Variants in OPCML observed in about 807,000 individuals in gnomAD.
OPCML encodes opioid binding protein/cell adhesion molecule like, also known as opioid-binding protein/cell adhesion molecule.
Under a neutral mutation model 37.8 loss-of-function variants are expected in OPCML, and 13 were observed. The observed-to-expected ratio is 0.34, with a 90% CI of 0.22 to 0.55. The LOEUF (loss-of-function observed/expected upper bound fraction) is 0.55, where lower values mean the gene tolerates loss of function less well. OPCML is among the 20% of genes least tolerant of loss of function. The pLI, the probability that OPCML is intolerant of heterozygous loss-of-function variation, is 0.91. For missense variants in OPCML, 341 were observed against 435.6 expected (o/e 0.78, Z 1.93); for synonymous variants, 176 against 168.8 (o/e 1.04, Z -0.33).
intron 1 of OPCML, among the ~76,000 whole-genome samples, chr11:133,044,400 G>C (rs1405930459): frequency 6.6e-6 from 1 of 152,166 alleles, no homozygotes; most frequent in South Asian, 2.1e-4. Flanking sequence ...GAGAACAGGG[G>C]AGTAGGTAAG....
At chr11:132,617,033 T>C (rs1205678310) in intron 3 of OPCML, among the ~76,000 whole-genome samples, 2 of 152,240 alleles carry the variant, frequency 1.3e-5, no homozygotes, top group Non-Finnish European at 2.9e-5. Flanking sequence ...TTTTCTTTCA[T>C]TAGAAGTATA....
At chr11:132,832,890 A>G (rs1354141673) in intron 2 of OPCML, among the ~76,000 whole-genome samples, 1 of 152,200 alleles carries the variant, frequency 6.6e-6, no homozygotes, top group African/African-American at 2.4e-5. Context: ...TTATCTAAAC[A>G]TAGAAAAATT....
At chr11:132,816,910 G>C (rs1939669760) in intron 2 of OPCML, among the ~76,000 whole-genome samples, 1 of 152,274 alleles carries the variant, frequency 6.6e-6, no homozygotes, top group South Asian at 2.1e-4. Context: ...CGTGAAGAGG[G>C]AGTTGACAAC....
At chr11:133,407,622 G>A (rs191146506) in intron 1 of OPCML, among the ~76,000 whole-genome samples, 18 of 152,268 alleles carry the variant, frequency 1.2e-4, no homozygotes, top group Non-Finnish European at 1.8e-4. Flanking sequence ...AAACCCACAC[G>A]TGGGTGGCAC....
chr11:132,925,964 C>A (rs954954919), intron 2 of OPCML, among the ~76,000 whole-genome samples: 1 of 152,168 alleles, frequency 6.6e-6, no homozygotes, highest in African/African-American at 2.4e-5. Flanking sequence ...ACAGTGAGCA[C>A]ACATTTGCCA....
At chr11:133,140,751 A>AGAC (rs1949772931) in intron 1 of OPCML, among the ~76,000 whole-genome samples, 1 of 98,760 alleles carries the variant, frequency 1.0e-5, no homozygotes, top group Non-Finnish European at 2.2e-5. Context: ...ACGACGAGGA[A>AGAC]GAAGAAGACG....
At chr11:132,727,162 C>T (rs921571640) in intron 2 of OPCML, among the ~76,000 whole-genome samples, 2 of 152,150 alleles carry the variant, frequency 1.3e-5, no homozygotes, top group African/African-American at 4.8e-5. Flanking sequence ...GGAGAAGGTG[C>T]TATGAAGAGT....
At chr11:133,388,158 G>A (rs1945097941) in intron 1 of OPCML, among the ~76,000 whole-genome samples, 1 of 152,100 alleles carries the variant, frequency 6.6e-6, no homozygotes, top group African/African-American at 2.4e-5. Flanking sequence ...GACCATGGCT[G>A]GCCCATAGAA....
At chr11:133,176,760 A>G (rs1937607115) in intron 1 of OPCML, among the ~76,000 whole-genome samples, 1 of 152,180 alleles carries the variant, frequency 6.6e-6, no homozygotes, top group Non-Finnish European at 1.5e-5. Context: ...TTTTCTTTAT[A>G]AATTACCCAG....
intron 1 of OPCML, among the ~76,000 whole-genome samples, chr11:133,058,227 C>T (rs900254797): frequency 3.9e-5 from 6 of 152,020 alleles, no homozygotes; most frequent in Admixed American, 1.3e-4. Context: ...TTGATTCTTC[C>T]TTGGTTGCGT....
intron 1 of OPCML, chr11:133,532,061 C>A (rs938098849): frequency 7.9e-5 from 30 of 380,128 alleles, no homozygotes; most frequent in Non-Finnish European, 1.0e-4. Context: ...GAGCAAATCC[C>A]GTGCTGAAAG....
intron 1 of OPCML, among the ~76,000 whole-genome samples, chr11:133,450,384 C>T (rs1041822899): frequency 3.3e-5 from 5 of 151,360 alleles, no homozygotes; most frequent in East Asian, 1.9e-4. Flanking sequence ...AATGACACAT[C>T]GGTACAAATC....
At chr11:132,449,738 C>T (rs2096063974) in intron 4 of OPCML, among the ~76,000 whole-genome samples, 1 of 152,182 alleles carries the variant, frequency 6.6e-6, no homozygotes, top group Non-Finnish European at 1.5e-5. Flanking sequence ...TGCTCTGCCA[C>T]TAACTAGCCA....
At chr11:132,467,664 G>A (rs900310549) in intron 4 of OPCML, among the ~76,000 whole-genome samples, 1 of 152,192 alleles carries the variant, frequency 6.6e-6, no homozygotes, top group African/African-American at 2.4e-5. Flanking sequence ...AATACTGAGT[G>A]CGGAAATGAA....
intron 3 of OPCML, among the ~76,000 whole-genome samples, chr11:132,649,711 G>A (rs545941618): frequency 1.3e-5 from 2 of 152,132 alleles, no homozygotes; most frequent in South Asian, 4.1e-4. Flanking sequence ...CATTGAACAT[G>A]TATATGTGTA....
At chr11:132,689,094 A>T (rs1192037249) in intron 2 of OPCML, among the ~76,000 whole-genome samples, 2 of 152,162 alleles carry the variant, frequency 1.3e-5, no homozygotes, top group Non-Finnish European at 2.9e-5. Context: ...GTGACATGTA[A>T]CAAATCCCGG....
At position 133,474,231 on chromosome 11, in the gene OPCML, C is replaced by T. The variant is rs77687700; in HGVS notation, c.61+58033G>A. On this transcript the variant is annotated intron_variant, in intron 1 of 7. Coordinates refer to ENST00000524381, the MANE Select transcript of OPCML (RefSeq NM_001012393.5). ...TCTGACTGAACTAGAATGCATGGTA[C>T]GTGCTTCACGCCAAGGATATCACAG... Among the ~76,000 whole-genome samples the T allele has an allele frequency of 4.0e-3, 604 of 152,298 alleles. 6 individuals carry two copies. The highest frequency in any genetic ancestry group is 0.014 in the African/African-American group (575 of 41,556).
chr11:133,507,944 C>A (rs113669250), intron 1 of OPCML, among the ~76,000 whole-genome samples: 2,769 of 141,308 alleles, frequency 0.02, 74 homozygotes, highest in African/African-American at 0.07. Context: ...GAAAGTATGT[C>A]TCAAAAAAAA....
At position 132,822,523 on chromosome 11, in the gene OPCML, T is replaced by TGC. The variant is rs1268628284; in HGVS notation, c.146+120401_146+120402dup. Among the ~76,000 whole-genome samples, 122 of 151,938 alleles carry TGC rather than the reference T, an allele frequency of 8.0e-4. 3 individuals carry two copies. Among genetic ancestry groups the TGC allele is most frequent in the African/African-American group, 2.5e-3 (105 of 41,386 alleles). On this transcript the variant is annotated intron_variant, in intron 2 of 7. Transcript: ENST00000524381. ...AGTGAAGTGTGTGTGTGTGTGTGTG[T>TGC]GCGCGCACACACTCATGCACTGTCA...
Sources: gnomAD v4.1 joint callset for allele counts (sites outside exome capture counted in the v4.1 genomes callset) on GRCh38, gnomAD v4.1.1 for gene constraint, MANE v1.5 for transcripts, NCBI Gene and HGNC (gene_info 2026-07-23, HGNC 2026-07-21) for gene names.